Variants in LINGO1 observed in about 807,000 individuals in gnomAD.
LINGO1 encodes the protein leucine-rich repeat and immunoglobulin-like domain-containing nogo receptor-interacting protein 1.
Under a neutral mutation model 37.3 loss-of-function variants are expected in LINGO1, and 11 were observed. That is an observed-to-expected ratio of 0.29 (90% CI 0.19 to 0.49). The LOEUF is 0.49. Among genes scored for constraint, LINGO1 ranks in the 20% least tolerant of loss-of-function variants. The probability of loss-of-function intolerance (pLI) is 0.99; values close to 1 mark genes in which losing one functional copy is unlikely to be tolerated. For missense variants in LINGO1, 585 were observed against 878.2 expected (o/e 0.67, Z 4.22); for synonymous variants, 387 against 403.0 (o/e 0.96, Z 0.48).
intron 1 of LINGO1, among the ~76,000 whole-genome samples, chr15:77,816,592 C>A (rs903880830): frequency 2.0e-5 from 3 of 152,160 alleles, no homozygotes; most frequent in African/African-American, 7.2e-5. Flanking sequence ...TCACACTGGG[C>A]ACTGCTCCCT....
At chr15:77,658,366 T>A (rs2141160308) in intron 3 of LINGO1, among the ~76,000 whole-genome samples, 1 of 152,246 alleles carries the variant, frequency 6.6e-6, no homozygotes, top group Non-Finnish European at 1.5e-5. Context: ...AGTGAAACAG[T>A]CTGTGTACAC....
chr15:77,624,311 G>A (rs534817758), intron 1 of LINGO1, among the ~76,000 whole-genome samples: 35 of 152,068 alleles, frequency 2.3e-4, no homozygotes, highest in African/African-American at 7.2e-4. Flanking sequence ...ACTCAGGTGC[G>A]CTTTGGGAAG....
intron 1 of LINGO1, among the ~76,000 whole-genome samples, chr15:77,748,506 A>C (rs1340107436): frequency 6.6e-6 from 1 of 152,144 alleles, no homozygotes; most frequent in East Asian, 1.9e-4. Context: ...GGGCGTGGCC[A>C]ACCCCTTTGA....
intron 3 of LINGO1, among the ~76,000 whole-genome samples, chr15:77,640,394 C>T (rs1193661993): frequency 2.6e-5 from 4 of 152,186 alleles, no homozygotes; most frequent in South Asian, 4.1e-4. Flanking sequence ...GCTCAAATCA[C>T]GGACAGACAA....
chr15:77,623,212 C>G (rs1706433390), intron 1 of LINGO1, among the ~76,000 whole-genome samples: 1 of 152,186 alleles, frequency 6.6e-6, no homozygotes, highest in African/African-American at 2.4e-5. Context: ...GGCTGAAATA[C>G]AAACATTTTC....
chr15:77,813,695 G>A lies in LINGO1; in HGVS notation c.-458+6563C>T, dbSNP rs1316363682. Among the ~76,000 whole-genome samples, 7 of 152,196 alleles carry A rather than the reference G, an allele frequency of 4.6e-5. No homozygotes were observed. The South Asian group carries it at 1.0e-3, about 23-fold the overall frequency. ...ACAGGGGAGTCCTGGAATTACAGCC[G>A]TGAAATAGCATGTTTTTATAATGCC... On this transcript the variant is annotated intron_variant, in intron 1 of 5. Transcript: ENST00000562933.
chr15:77,808,117 G>C (rs2076975184), intron 1 of LINGO1, among the ~76,000 whole-genome samples: 1 of 152,010 alleles, frequency 6.6e-6, no homozygotes, highest in Non-Finnish European at 1.5e-5. Context: ...ACCACCCATG[G>C]CCCCCAGCCA....
At chr15:77,760,251 G>A (rs993516079) in intron 1 of LINGO1, among the ~76,000 whole-genome samples, 1 of 152,190 alleles carries the variant, frequency 6.6e-6, no homozygotes, top group Admixed American at 6.5e-5. Context: ...TGAATATGGA[G>A]AGGCTCAAGG....
intron 1 of LINGO1, among the ~76,000 whole-genome samples, chr15:77,741,240 C>T (rs1224778754): frequency 1.3e-5 from 2 of 152,236 alleles, no homozygotes; most frequent in Admixed American, 6.5e-5. Flanking sequence ...TCTTTGCCTT[C>T]TAGGCTTCTG....
chr15:77,646,100 C>T (rs1219374387), intron 3 of LINGO1, among the ~76,000 whole-genome samples: 5 of 152,330 alleles, frequency 3.3e-5, no homozygotes, highest in African/African-American at 7.2e-5. Context: ...AGCCTGGTGG[C>T]GTGTGATGGA....
intron 1 of LINGO1, among the ~76,000 whole-genome samples, chr15:77,812,248 G>A (rs2077011700): frequency 6.6e-6 from 1 of 152,242 alleles, no homozygotes; most frequent in Non-Finnish European, 1.5e-5. Flanking sequence ...GAGCAGCCCA[G>A]GGCTGGGGGT....
In LINGO1 at chr15:77,632,211, T is replaced by C. The variant is rs1369033514; in HGVS notation, c.6+99A>G. ...AGGTCTGGGTGGCACCGAGGTGCCCTGCAACCCCAGGAGGGCGCAGCCAGG... is the reference window on the plus strand; with the variant it reads ...AGGTCTGGGTGGCACCGAGGTGCCCCGCAACCCCAGGAGGGCGCAGCCAGG... On this transcript the variant is annotated intron_variant, in intron 1 of 1. Coordinates refer to ENST00000355300, the MANE Select transcript of LINGO1 (RefSeq NM_032808.7). The surrounding 1 kb of genome is among the most constrained non-coding windows in gnomAD (Gnocchi z 6.0). 1 of 1,232,126 alleles carries C rather than the reference T, an allele frequency of 8.1e-7. No individual in the cohort carries two copies. 76.3% of individuals were successfully genotyped at this position (1,232,126 alleles called of 1,614,324 possible).
At chr15:77,652,206 TGCCTCACAGG>T (rs1028883055) in intron 3 of LINGO1, 4 of 152,180 alleles carry the variant, frequency 2.6e-5, no homozygotes, top group African/African-American at 9.7e-5. Context: ...GGATAGACTA[TGCCTCACAGG>T]GCCACCCTAG....
chr15:77,640,787 T>C (rs1407413236), intron 3 of LINGO1, among the ~76,000 whole-genome samples: 2 of 151,998 alleles, frequency 1.3e-5, no homozygotes, highest in South Asian at 2.1e-4. Flanking sequence ...AGTGGGCTCA[T>C]TGGTGGTGAG....
At chr15:77,776,559 A>AGGGG (rs1203344449) in intron 1 of LINGO1, among the ~76,000 whole-genome samples, 1 of 144,422 alleles carries the variant, frequency 6.9e-6, no homozygotes, top group African/African-American at 2.6e-5. Flanking sequence ...GGAGGGAGGG[A>AGGGG]GCTGACTCTG....
At chr15:77,628,137 G>A (rs1567467259) in intron 1 of LINGO1, among the ~76,000 whole-genome samples, 2 of 152,224 alleles carry the variant, frequency 1.3e-5, no homozygotes, top group African/African-American at 2.4e-5. Context: ...TAACCAATTT[G>A]GAAAACACTT....
In LINGO1 at chr15:77,613,987, C is replaced by T. The variant is rs999164855; in HGVS notation, c.*57G>A. 38 of 1,390,328 alleles carry T rather than the reference C, an allele frequency of 2.7e-5. No individual in the cohort carries two copies. Among genetic ancestry groups the T allele is most frequent in the East Asian group, 2.5e-4 (10 of 40,082 alleles). 86.1% of individuals were successfully genotyped at this position (1,390,328 alleles called of 1,614,324 possible). On this transcript the variant is annotated 3_prime_UTR_variant, in exon 2 of 2. Transcript: ENST00000355300. Reference sequence around the variant, plus strand: ...GAAGGACTGGAGAGTGAGCAGGTGGCGGCCAGGCCCCTTCCCCTGCCCGGC... The same window carrying T: ...GAAGGACTGGAGAGTGAGCAGGTGGTGGCCAGGCCCCTTCCCCTGCCCGGC...
At chr15:77,818,324 C>A (rs943830668) in intron 1 of LINGO1, among the ~76,000 whole-genome samples, 2 of 152,240 alleles carry the variant, frequency 1.3e-5, no homozygotes, top group African/African-American at 4.8e-5. Context: ...TCCCATCTTC[C>A]ACAGGACTGG....
At chr15:77,812,813 C>T (rs1461888819) in intron 1 of LINGO1, among the ~76,000 whole-genome samples, 1 of 152,246 alleles carries the variant, frequency 6.6e-6, no homozygotes, top group Non-Finnish European at 1.5e-5. Flanking sequence ...GTGGCCCCGC[C>T]CCATCCTGGC....
Sources: gnomAD v4.1 joint callset for allele counts (sites outside exome capture counted in the v4.1 genomes callset) on GRCh38, gnomAD v4.1.1 for gene constraint, Gnocchi (gnomAD v3.1) non-coding constraint, MANE v1.5 for transcripts, NCBI Gene and HGNC (gene_info 2026-07-23, HGNC 2026-07-21) for gene names.